TBC1D9: variants seen among roughly 807,000 people sequenced by gnomAD.
TBC1D9 encodes TBC1 domain family member 9A.
A neutral mutation model predicts 132.0 loss-of-function variants in TBC1D9; 63 were observed. That is an observed-to-expected ratio of 0.48 (90% CI 0.39 to 0.59). TBC1D9 has a LOEUF of 0.59. TBC1D9 is among the 20% of genes least tolerant of loss of function. The pLI is 0.00. For missense variants in TBC1D9, 1,261 were observed against 1,592.7 expected (o/e 0.79, Z 3.54); for synonymous variants, 610 against 609.9 (o/e 1.00, Z 0.00).
intron 13 of TBC1D9, chr4:140,642,482 A>C (rs763652720): frequency 9.6e-7 from 1 of 1,041,372 alleles, no homozygotes; most frequent in Admixed American, 2.0e-5. Flanking sequence ...CCAGTTTTTG[A>C]TTTCCCCCCA....
chr4:140,743,522 T>G (rs1738792287), intron 1 of TBC1D9, among the ~76,000 whole-genome samples: 1 of 152,156 alleles, frequency 6.6e-6, no homozygotes, highest in Non-Finnish European at 1.5e-5. Flanking sequence ...AGTGAAGGAC[T>G]AAAGAGTAGA....
At chr4:140,688,510 A>T (rs1737824040) in intron 2 of TBC1D9, among the ~76,000 whole-genome samples, 1 of 152,092 alleles carries the variant, frequency 6.6e-6, no homozygotes, top group Admixed American at 6.6e-5. Context: ...CTACAAAAAA[A>T]TTAAAAAATT....
In TBC1D9 at chr4:140,661,978, G is replaced by T; in HGVS notation, c.1718C>A (p.Ala573Asp). The change falls in exon 10 of 21, where the codon GCT becomes GAT. Residue 573 changes from alanine to aspartate, a missense_variant. Physicochemically the swap from Ala to Asp is moderately radical, Grantham distance 126. Coordinates refer to ENST00000442267, the MANE Select transcript of TBC1D9 (RefSeq NM_015130.3). Reference sequence around the variant, plus strand: ...AGCAATGCCCATTTCATTCTGAAAAGCTGGGTGTTCTGGAAGGGAGCGGTG... The same window carrying T: ...AGCAATGCCCATTTCATTCTGAAAATCTGGGTGTTCTGGAAGGGAGCGGTG... ...DLHRSLPEHP[A>D]FQNEMGIAAL... 6.2e-7 allele frequency: 1 copy of T among 1,613,992 alleles called. No homozygotes were observed. Among genetic ancestry groups the T allele is most frequent in the Non-Finnish European group, 8.5e-7 (1 of 1,179,882 alleles).
chr4:140,642,143 C>A, intron 13 of TBC1D9: 1 of 764,966 alleles, frequency 1.3e-6, no homozygotes, highest in Non-Finnish European at 2.4e-6. Flanking sequence ...CCTTGCTGTC[C>A]TTTGCCACCA....
At chr4:140,711,287 TA>T (rs1210123620) in intron 1 of TBC1D9, among the ~76,000 whole-genome samples, 3 of 152,194 alleles carry the variant, frequency 2.0e-5, no homozygotes, top group Middle Eastern at 3.4e-3. Context: ...TCTGAAAACC[TA>T]AAACTCAAAG....
chr4:140,735,907 C>T (rs533195333), intron 1 of TBC1D9, among the ~76,000 whole-genome samples: 109 of 152,128 alleles, frequency 7.2e-4, no homozygotes, highest in African/African-American at 1.2e-3. Context: ...ACTAAGAAAG[C>T]GGGGATGGAT....
At chr4:140,657,029 C>T (rs1330942854) in intron 13 of TBC1D9, 68 bp downstream of exon 13, 8 of 1,568,470 alleles carry the variant, frequency 5.1e-6, no homozygotes, top group Non-Finnish European at 6.1e-6. Flanking sequence ...TATAGCAGCA[C>T]AAAACAGGCA....
In TBC1D9 at chr4:140,650,109, A is replaced by G. The variant is rs1310462755; in HGVS notation, c.2337+6988T>C. ...GTTTCAATACTCCATGTAAACTATT[A>G]GCTGTTGTGTGAACATGCTGCTGAT... On this transcript the variant is annotated intron_variant, in intron 13 of 20. Coordinates refer to ENST00000442267, the MANE Select transcript of TBC1D9 (RefSeq NM_015130.3). 2.0e-5 allele frequency among the ~76,000 whole-genome samples: 3 copies of G among 152,370 alleles called. No individual in the cohort carries two copies. The East Asian group carries it at 5.8e-4, about 29-fold the overall frequency.
At chr4:140,713,730 C>T (rs1240635140) in intron 1 of TBC1D9, among the ~76,000 whole-genome samples, 1 of 142,450 alleles carries the variant, frequency 7.0e-6, no homozygotes, top group Non-Finnish European at 1.5e-5. Context: ...AGAGTGAGAC[C>T]CTATCTCTGA....
In TBC1D9 at chr4:140,653,009, T is replaced by C. The variant is rs577400304; in HGVS notation, c.2337+4088A>G. Among the ~76,000 whole-genome samples, 25 of 152,336 alleles carry C rather than the reference T, an allele frequency of 1.6e-4. No individual in the cohort carries two copies. The South Asian group carries it at 4.6e-3, about 28-fold the overall frequency. On this transcript the variant is annotated intron_variant, in intron 13 of 20. Transcript: ENST00000442267. ...CTTCCAGGAGGGGCATCTCAGTCTA[T>C]GAATCAAACTTTAAGATTGGGACTT...
intron 13 of TBC1D9, chr4:140,644,854 T>G (rs1488044081): frequency 1.4e-5 from 6 of 427,144 alleles, no homozygotes; most frequent in Non-Finnish European, 2.8e-5. Context: ...GACCAACAGC[T>G]GGCCCGACTG....
chr4:140,637,750 G>A (rs1253998288), intron 15 of TBC1D9, among the ~76,000 whole-genome samples: 2 of 152,032 alleles, frequency 1.3e-5, no homozygotes, highest in African/African-American at 2.4e-5. Flanking sequence ...CTCAAGTGCC[G>A]GATGCAGGCT....
intron 1 of TBC1D9, among the ~76,000 whole-genome samples, chr4:140,711,589 C>A (rs1003609008): frequency 1.3e-5 from 2 of 152,082 alleles, no homozygotes; most frequent in Non-Finnish European, 2.9e-5. Context: ...AACAACTTGG[C>A]AACGAAATAA....
chr4:140,641,090 C>CAAAA (rs35813378), intron 13 of TBC1D9, among the ~76,000 whole-genome samples: 2,881 of 34,004 alleles, frequency 0.085, 159 homozygotes, highest in South Asian at 0.15. Flanking sequence ...TAATACTAAG[C>CAAAA]AAAAAAAAAA....
In TBC1D9 at chr4:140,755,999, A is replaced by G. The variant is rs1169938169; in HGVS notation, c.47T>C (p.Ile16Thr). ...GAAGTATGGGTTGGCCCTCTCGGTG[A>G]TCCACAGCGCGTTGGCCAGCAACAC... is the stretch of plus-strand genomic sequence containing the variant. The part of the protein sequence containing the change: ...EEVLLANALW[I>T]TERANPYFIL... Residue 16 changes from isoleucine (I) to threonine (T), a missense_variant, in exon 1 of 21, where the codon ATC (isoleucine) becomes ACC (threonine). Transcript: ENST00000442267. 1.2e-5 allele frequency: 20 copies of G among 1,608,352 alleles called. No individual in the cohort carries two copies. The highest frequency in any genetic ancestry group is 8.4e-5 in the Admixed American group (5 of 59,716).
chr4:140,668,780 T>G, intron 9 of TBC1D9, 137 bp downstream of exon 9: 16 of 889,854 alleles, frequency 1.8e-5, no homozygotes, highest in East Asian at 2.7e-5. Context: ...AATACTCTGG[T>G]GAGGAAACAT....
At chr4:140,623,719 GC>G (rs1192045297) in intron 20 of TBC1D9, among the ~76,000 whole-genome samples, 1 of 152,080 alleles carries the variant, frequency 6.6e-6, no homozygotes, top group Non-Finnish European at 1.5e-5. Context: ...AGCATTTTCA[GC>G]CTATAATTAT....
At chr4:140,720,406 AGAG>A (rs1348711525) in intron 1 of TBC1D9, among the ~76,000 whole-genome samples, 2 of 152,222 alleles carry the variant, frequency 1.3e-5, no homozygotes, top group Non-Finnish European at 2.9e-5. Context: ...CTTATGAGGA[AGAG>A]GAGATTTATT....
chr4:140,756,135 G>A lies in TBC1D9; in HGVS notation c.-90C>T, dbSNP rs1287571615. ...GACAGGCGCGCACTCCTGGGCACAC[G>A]CGCGCCCGCCCGCCCGTCCGCTAGG... On this transcript the variant is annotated 5_prime_UTR_variant, in exon 1 of 21. Coordinates refer to ENST00000442267, the MANE Select transcript of TBC1D9 (RefSeq NM_015130.3). This position sits in a 1 kb window ranked among gnomAD's most constrained non-coding sequence, Gnocchi z 5.6. The A allele has an allele frequency of 9.0e-7, 1 of 1,107,876 alleles. No homozygotes were observed. Among genetic ancestry groups the A allele is most frequent in the Non-Finnish European group, 1.2e-6 (1 of 844,648 alleles). 68.6% of individuals were successfully genotyped at this position (1,107,876 alleles called of 1,614,324 possible).
Sources: allele counts gnomAD v4.1 joint callset (sites outside exome capture counted in the v4.1 genomes callset), GRCh38; gene constraint gnomAD v4.1.1; non-coding constraint Gnocchi (gnomAD v3.1); transcripts MANE v1.5; gene names NCBI Gene and HGNC (gene_info 2026-07-23, HGNC 2026-07-21).